Variants in ERG observed in about 807,000 individuals in gnomAD.
The protein encoded by ERG is transcriptional regulator ERG.
In ERG, 9 loss-of-function variants were observed where a neutral mutation model predicts 55.3. The ratio of observed to expected loss-of-function variants is 0.16; its 90% CI spans 0.10 to 0.28. The LOEUF (loss-of-function observed/expected upper bound fraction) is 0.28, where lower values mean the gene tolerates loss of function less well. ERG is among the 10% of genes least tolerant of loss of function. The probability of loss-of-function intolerance (pLI) is 1.00; values close to 1 mark genes in which losing one functional copy is unlikely to be tolerated. For synonymous variants in ERG, 223 were observed against 237.3 expected, an observed-to-expected ratio of 0.94 and a Z score of 0.55; for missense variants, 434 against 631.6, an observed-to-expected ratio of 0.69 and a Z score of 3.35.
intron 9 of ERG, 126 bp from the exon 10 acceptor site, chr21:38,384,049 G>A (rs570308363): frequency 4.6e-6 from 6 of 1,293,502 alleles, no homozygotes; most frequent in South Asian, 4.5e-5. Flanking sequence ...AGGCCTGTCC[G>A]TCCATCCCTC....
chr21:38,631,960 T>C (rs1191643943), intron 1 of ERG, among the ~76,000 whole-genome samples: 2 of 152,052 alleles, frequency 1.3e-5, no homozygotes, highest in Non-Finnish European at 2.9e-5. Flanking sequence ...AGAAAGTCGT[T>C]GCTCAAGGTC....
At chr21:38,601,148 G>A (rs1279817222) in intron 1 of ERG, among the ~76,000 whole-genome samples, 2 of 152,134 alleles carry the variant, frequency 1.3e-5, no homozygotes, top group Admixed American at 6.5e-5. Context: ...AGGATGGAAC[G>A]GTCAGTAGGA....
chr21:38,450,484 T>C (rs565834666), intron 1 of ERG, among the ~76,000 whole-genome samples: 1 of 152,346 alleles, frequency 6.6e-6, no homozygotes, highest in South Asian at 2.1e-4. Context: ...GCCAGCATCA[T>C]CTTCAATCAA....
chr21:38,551,324 GT>G (rs1221708461), intron 2 of ERG, among the ~76,000 whole-genome samples: 2 of 151,764 alleles, frequency 1.3e-5, no homozygotes, highest in Admixed American at 6.6e-5. Flanking sequence ...CTTTTGCATG[GT>G]TTTTTTGTAT....
intron 1 of ERG, among the ~76,000 whole-genome samples, chr21:38,447,443 C>A (rs1348359766): frequency 6.6e-6 from 1 of 150,406 alleles, no homozygotes; most frequent in Non-Finnish European, 1.5e-5. Context: ...GGAAAAAAGT[C>A]ATCTTGAATA....
At chr21:38,603,833 T>G (rs1003853841) in intron 1 of ERG, among the ~76,000 whole-genome samples, 1 of 151,992 alleles carries the variant, frequency 6.6e-6, no homozygotes, top group Non-Finnish European at 1.5e-5. Context: ...CCTCAGATTT[T>G]TGGGGGTGGA....
chr21:38,650,365 G>A (rs975642511), intron 1 of ERG, among the ~76,000 whole-genome samples: 5 of 152,148 alleles, frequency 3.3e-5, no homozygotes, highest in Admixed American at 6.5e-5. Context: ...GGCTGGGCAC[G>A]GTGGCTCAGC....
Position 38,380,877 on chromosome 21 carries a change from T to C in ERG, c.*2526A>G, listed in dbSNP as rs1601309319. 9.4e-7 allele frequency: 1 copy of C among 1,065,340 alleles called. No homozygotes were observed. Among genetic ancestry groups the C allele is most frequent in the Non-Finnish European group, 1.1e-6 (1 of 879,278 alleles). The allele number at this position is 1,065,340 out of a possible 1,614,324, so 66.0% of individuals were successfully genotyped here. A position where few individuals can be genotyped will look rare whatever the true frequency, so the allele number is the denominator to read the frequency against. On this transcript the variant is annotated 3_prime_UTR_variant, in exon 10 of 10. Coordinates refer to ENST00000288319, the MANE Select transcript of ERG (RefSeq NM_182918.4). ...AGAGAGAACTGAGTGATTATCCAAG[T>C]AAATGTGTATTTCTATGAAGAATGT...
rs371945927 is a variant in ERG, at chr21:38,460,335, C to A, written c.19-14714G>T. 2.6e-5 allele frequency among the ~76,000 whole-genome samples: 4 copies of A among 152,176 alleles called. No individual in the cohort carries two copies. Among genetic ancestry groups the A allele is most frequent in the Non-Finnish European group, 5.9e-5 (4 of 68,036 alleles). On this transcript the variant is annotated intron_variant, in intron 1 of 9. Transcript: ENST00000288319. The surrounding 1 kb of genome is among the most constrained non-coding windows in gnomAD (Gnocchi z 5.0). ...CAGAGAGAAGTGGAGTCTCTCTAGC[C>A]GTCTTGGCTAAAAGCCCGGGAATTG...
At chr21:38,485,498 T>C (rs1450868999) in intron 1 of ERG, among the ~76,000 whole-genome samples, 1 of 147,612 alleles carries the variant, frequency 6.8e-6, no homozygotes, top group Admixed American at 6.9e-5. Context: ...TCTCGCTGTG[T>C]CACCAGACTA....
At chr21:38,619,280 T>C (rs893357492) in intron 1 of ERG, among the ~76,000 whole-genome samples, 2 of 152,182 alleles carry the variant, frequency 1.3e-5, no homozygotes, top group Admixed American at 1.3e-4. Flanking sequence ...AGAAGAGCCT[T>C]GGGCACATAT....
chr21:38,490,258 A>C (rs1385634403), intron 1 of ERG, among the ~76,000 whole-genome samples: 25 of 152,250 alleles, frequency 1.6e-4, no homozygotes, highest in Admixed American at 1.6e-3. Flanking sequence ...AATTGAAAAA[A>C]AAAAGGTAGG....
At chr21:38,432,972 T>C (rs1990288896) in intron 2 of ERG, among the ~76,000 whole-genome samples, 1 of 152,112 alleles carries the variant, frequency 6.6e-6, no homozygotes, top group East Asian at 1.9e-4. Flanking sequence ...AAGACAGTCA[T>C]GGATGAGGGT....
intron 1 of ERG, among the ~76,000 whole-genome samples, chr21:38,619,606 A>C (rs2060278296): frequency 6.6e-6 from 1 of 152,252 alleles, no homozygotes; most frequent in East Asian, 1.9e-4. Flanking sequence ...TACACAATGT[A>C]TTGGTGAATC....
At position 38,414,740 on chromosome 21, in the gene ERG, G is replaced by A. The variant is rs144854709; in HGVS notation, c.388+8670C>T. On this transcript the variant is annotated intron_variant, in intron 3 of 9. Transcript: ENST00000288319. ...AAGGACTTTCCATCCTGAGCTCTAG[G>A]CCCACCACACTGCCTGACAGGTGTC... 1.8e-4 allele frequency among the ~76,000 whole-genome samples: 28 copies of A among 152,182 alleles called. No individual in the cohort carries two copies. The South Asian group carries it at 2.1e-3, about 11-fold the overall frequency.
At chr21:38,373,846 TGA>T in the ERG span, among the ~76,000 whole-genome samples, 1 of 152,230 alleles carries the variant, frequency 6.6e-6, no homozygotes, top group African/African-American at 2.4e-5. Context: ...TATGATGAAC[TGA>T]GACAGCACAT....
At chr21:38,450,711 A>G (rs1284911741) in intron 1 of ERG, among the ~76,000 whole-genome samples, 1 of 152,234 alleles carries the variant, frequency 6.6e-6, no homozygotes, top group East Asian at 1.9e-4. Context: ...TTTGTTGATT[A>G]CAAGATACAC....
At chr21:38,608,648 T>A (rs1601308826) in intron 1 of ERG, among the ~76,000 whole-genome samples, 1 of 152,066 alleles carries the variant, frequency 6.6e-6, no homozygotes, top group Non-Finnish European at 1.5e-5. Context: ...AAGCTGAGGG[T>A]TTGGAGGTGT....
At chr21:38,595,677 G>A (rs2060126675) in intron 1 of ERG, among the ~76,000 whole-genome samples, 1 of 152,168 alleles carries the variant, frequency 6.6e-6, no homozygotes, top group African/African-American at 2.4e-5. Flanking sequence ...GAGGCAGTGT[G>A]TAGCCTTTAA....
Sources: gnomAD v4.1 joint callset for allele counts (sites outside exome capture counted in the v4.1 genomes callset) on GRCh38, gnomAD v4.1.1 for gene constraint, Gnocchi (gnomAD v3.1) non-coding constraint, MANE v1.5 for transcripts, NCBI Gene and HGNC (gene_info 2026-07-23, HGNC 2026-07-21) for gene names.